CALN1: variants seen among roughly 807,000 people sequenced by gnomAD.
The protein encoded by CALN1 is calcium-binding protein 8.
CALN1 carries 17 observed loss-of-function variants against 30.6 expected under a neutral mutation model. The observed-to-expected ratio is 0.56, with a 90% CI of 0.38 to 0.83. The LOEUF is 0.83. CALN1 is among the 40% of genes least tolerant of loss of function. CALN1 has a pLI of 0.00. For missense variants in CALN1, 291 were observed against 354.9 expected (o/e 0.82, Z 1.45); for synonymous variants, 156 against 131.4 (o/e 1.19, Z -1.28).
chr7:72,150,356 C>T (rs1467500934), intron 3 of CALN1, among the ~76,000 whole-genome samples: 1 of 152,132 alleles, frequency 6.6e-6, no homozygotes, highest in Non-Finnish European at 1.5e-5. Context: ...ATTGAAGAAG[C>T]CAGGCAAGGT....
chr7:72,472,592 G>A, the CALN1 span, among the ~76,000 whole-genome samples: 24 of 150,718 alleles, frequency 1.6e-4, no homozygotes, highest in East Asian at 3.7e-3. Flanking sequence ...CGAGACCAGC[G>A]TGACCAACAC....
chr7:72,166,101 T>C (rs1233246874), intron 3 of CALN1, among the ~76,000 whole-genome samples: 1 of 152,214 alleles, frequency 6.6e-6, no homozygotes, highest in Non-Finnish European at 1.5e-5. Flanking sequence ...AGCCATGTAT[T>C]ACAGTCCTGG....
intron 2 of CALN1, among the ~76,000 whole-genome samples, chr7:72,296,606 G>A (rs896964149): frequency 3.5e-5 from 5 of 141,220 alleles, no homozygotes; most frequent in East Asian, 2.1e-4. Context: ...TGTATGTGTC[G>A]AGGAATTTAT....
At chr7:71,857,411 A>G (rs1405957038) in intron 5 of CALN1, among the ~76,000 whole-genome samples, 1 of 152,190 alleles carries the variant, frequency 6.6e-6, no homozygotes, top group Non-Finnish European at 1.5e-5. Flanking sequence ...CCTGTGAGTC[A>G]AAGGAGTTTA....
intron 6 of CALN1, among the ~76,000 whole-genome samples, chr7:71,807,487 A>G (rs1467560397): frequency 6.6e-6 from 1 of 152,196 alleles, no homozygotes; most frequent in East Asian, 1.9e-4. Flanking sequence ...TGTCTGGGGG[A>G]CAAACAACCC....
At chr7:71,949,148 G>C (rs1213906679) in intron 5 of CALN1, among the ~76,000 whole-genome samples, 1 of 151,626 alleles carries the variant, frequency 6.6e-6, no homozygotes, top group Non-Finnish European at 1.5e-5. Flanking sequence ...TAAATATTGT[G>C]GACATTCAGA....
intron 5 of CALN1, among the ~76,000 whole-genome samples, chr7:71,902,476 C>T (rs1431160950): frequency 6.6e-6 from 1 of 152,016 alleles, no homozygotes; most frequent in Non-Finnish European, 1.5e-5. Context: ...ACCAATGGAA[C>T]AGAATAGAGA....
intron 5 of CALN1, chr7:71,942,415 G>T: frequency 5.8e-6 from 1 of 171,618 alleles, no homozygotes; most frequent in South Asian, 1.6e-4. Flanking sequence ...CGTGTGTGAG[G>T]GGGACGTGCT....
chr7:72,130,355 A>T (rs1386830809), intron 3 of CALN1, among the ~76,000 whole-genome samples: 1 of 152,230 alleles, frequency 6.6e-6, no homozygotes, highest in Non-Finnish European at 1.5e-5. Context: ...ATGTATTGTT[A>T]AATGAAGAAG....
intron 1 of CALN1, among the ~76,000 whole-genome samples, chr7:72,422,415 C>T (rs188257970): frequency 6.6e-6 from 1 of 152,316 alleles, no homozygotes; most frequent in African/African-American, 2.4e-5. Flanking sequence ...ACAAGCCCCC[C>T]TGGCTGTTTA....
chr7:71,809,511 A>G (rs1280610415), intron 6 of CALN1, among the ~76,000 whole-genome samples: 4 of 150,858 alleles, frequency 2.7e-5, no homozygotes, highest in Non-Finnish European at 5.9e-5. Context: ...GACCTCCTTA[A>G]GAAATGTCAG....
intron 5 of CALN1, among the ~76,000 whole-genome samples, chr7:71,870,265 C>G (rs1041017096): frequency 6.6e-6 from 1 of 152,076 alleles, no homozygotes; most frequent in African/African-American, 2.4e-5. Context: ...TGCCTGTAAT[C>G]TCAGCTACTA....
At chr7:71,960,132 CAAAAATAAATAAAT>C (rs1408918762) in intron 5 of CALN1, among the ~76,000 whole-genome samples, 2 of 100,358 alleles carry the variant, frequency 2.0e-5, no homozygotes, top group African/African-American at 8.1e-5. Context: ...GACTCCATCT[CAAAAATAAATAAAT>C]AAATAAATAA....
rs1043421318 is a variant in CALN1, at chr7:72,336,717, G to A, written c.120-57907C>T. ...GGCGGCACTCACCTCTTGCTGGGCCGGGGCTCCGCAGCCCGGCAGCCGAGG... is the reference window on the plus strand; with the variant it reads ...GGCGGCACTCACCTCTTGCTGGGCCAGGGCTCCGCAGCCCGGCAGCCGAGG... On this transcript the variant is annotated intron_variant, in intron 2 of 6. Coordinates refer to ENST00000395275, the MANE Select transcript of CALN1 (RefSeq NM_031468.4). 3.1e-5 allele frequency: 31 copies of A among 985,396 alleles called. No individual in the cohort carries two copies. The African/African-American group carries it at 5.1e-4, about 16-fold the overall frequency. 61.0% of individuals were successfully genotyped at this position (985,396 alleles called of 1,614,324 possible).
the CALN1 span, among the ~76,000 whole-genome samples, chr7:72,470,612 T>C: frequency 6.6e-6 from 1 of 152,228 alleles, no homozygotes; most frequent in Non-Finnish European, 1.5e-5. Context: ...TTTTCTTTTC[T>C]ATGTCCTTAC....
At chr7:71,854,180 T>C (rs767233687) in intron 5 of CALN1, among the ~76,000 whole-genome samples, 53 of 152,074 alleles carry the variant, frequency 3.5e-4, no homozygotes, top group Admixed American at 4.6e-4. Flanking sequence ...CCCCAAACCA[T>C]TGACAGTGTG....
At chr7:72,490,464 C>G in the CALN1 span, among the ~76,000 whole-genome samples, 1 of 152,202 alleles carries the variant, frequency 6.6e-6, no homozygotes, top group African/African-American at 2.4e-5. Context: ...TCTAACTTCT[C>G]TGACCTCAAT....
intron 5 of CALN1, among the ~76,000 whole-genome samples, chr7:71,812,946 T>TTAA (rs1788049753): frequency 6.7e-6 from 1 of 148,940 alleles, no homozygotes; most frequent in Non-Finnish European, 1.5e-5. Flanking sequence ...ATTATTATTA[T>TTAA]TATTATTATT....
chr7:72,197,391 G>A (rs200246396), intron 3 of CALN1, among the ~76,000 whole-genome samples: 2 of 151,818 alleles, frequency 1.3e-5, no homozygotes, highest in Non-Finnish European at 2.9e-5. Flanking sequence ...TAGTAGAGAC[G>A]GGGTTTTGCC....
Sources: gnomAD v4.1 joint callset for allele counts (sites outside exome capture counted in the v4.1 genomes callset) on GRCh38, gnomAD v4.1.1 for gene constraint, MANE v1.5 for transcripts, NCBI Gene and HGNC (gene_info 2026-07-23, HGNC 2026-07-21) for gene names.